Variants in ALOX5 observed in about 807,000 individuals in gnomAD.
ALOX5 encodes arachidonate 5-lipoxygenase.
A neutral mutation model predicts 87.9 loss-of-function variants in ALOX5; 64 were observed. That is an observed-to-expected ratio of 0.73 (90% confidence interval 0.60 to 0.90). The LOEUF (loss-of-function observed/expected upper bound fraction) is 0.90, where lower values mean the gene tolerates loss of function less well. ALOX5 is among the 40% of genes least tolerant of loss of function. The pLI is 0.00. For missense variants in ALOX5, 822 were observed against 907.5 expected (o/e 0.91, Z 1.21); for synonymous variants, 388 against 355.1 (o/e 1.09, Z -1.04).
chr10:45,443,009 C>A lies in ALOX5; in HGVS notation c.1273-29C>A, dbSNP rs182044631. The A allele has an allele frequency of 5.6e-4, 886 of 1,594,222 alleles. 2 individuals carry two copies. In the Middle Eastern group the frequency reaches 8.1e-3, roughly 15 times the overall value. ...CTGGACAGCTGTGGGAGGAGCCACCCGCTCAGGGCACTCTACCTCCCACTC... is the reference window on the plus strand; with the variant it reads ...CTGGACAGCTGTGGGAGGAGCCACCAGCTCAGGGCACTCTACCTCCCACTC... On this transcript the variant is annotated intron_variant, in intron 9 of 13. Coordinates refer to ENST00000374391, the MANE Select transcript of ALOX5 (RefSeq NM_000698.5).
chr10:45,403,291 C>G (rs1029350896), intron 3 of ALOX5, among the ~76,000 whole-genome samples: 8 of 152,298 alleles, frequency 5.3e-5, no homozygotes, highest in African/African-American at 1.9e-4. Context: ...AATCAACAAA[C>G]TGCTGCTAAC....
chr10:45,382,583 A>C lies in ALOX5; in HGVS notation c.251A>C (p.Lys84Thr). The change falls in exon 2 of 14, where the codon AAG (lysine) becomes ACG (threonine). Residue 84 changes from lysine to threonine, a missense_variant. Coordinates refer to ENST00000374391, the MANE Select transcript of ALOX5 (RefSeq NM_000698.5). ...TGGCTGAATGACGACTGGTACCTGA[A>C]GTACATCACGCTGAAGACGCCCCAC... The part of the protein sequence containing the change: ...KYWLNDDWYL[K>T]YITLKTPHGD... 6.2e-7 allele frequency: 1 copy of C among 1,614,168 alleles called. No individual in the cohort carries two copies. Among genetic ancestry groups the C allele is most frequent in the Admixed American group, 1.7e-5 (1 of 60,008 alleles).
At chr10:45,395,250 T>C (rs1189138430) in intron 2 of ALOX5, among the ~76,000 whole-genome samples, 1 of 152,138 alleles carries the variant, frequency 6.6e-6, no homozygotes, top group Non-Finnish European at 1.5e-5. Flanking sequence ...ATGTGGCACA[T>C]ATACACCATG....
At chr10:45,395,047 G>A (rs1476100141) in intron 2 of ALOX5, among the ~76,000 whole-genome samples, 2 of 152,220 alleles carry the variant, frequency 1.3e-5, no homozygotes, top group African/African-American at 4.8e-5. Flanking sequence ...AGACACTGTG[G>A]CAATTCCTCA....
chr10:45,384,235 A>G (rs937048403), intron 2 of ALOX5, among the ~76,000 whole-genome samples: 1 of 152,126 alleles, frequency 6.6e-6, no homozygotes, highest in African/African-American at 2.4e-5. Flanking sequence ...TCCTTCCTCT[A>G]CACATTCCCT....
intron 7 of ALOX5, among the ~76,000 whole-genome samples, chr10:45,430,102 G>A (rs926345851): frequency 6.6e-6 from 1 of 152,164 alleles, no homozygotes; most frequent in Non-Finnish European, 1.5e-5. Context: ...CCTAAAAGAA[G>A]ACAAAATTGC....
chr10:45,374,236 C>A lies in ALOX5; in HGVS notation c.-44C>A. The A allele has an allele frequency of 6.9e-7, 1 of 1,444,766 alleles. No individual in the cohort carries two copies. Among genetic ancestry groups the A allele is most frequent in the Non-Finnish European group, 9.1e-7 (1 of 1,099,212 alleles). The allele number at this position is 1,444,766 out of a possible 1,614,324, so 89.5% of individuals were successfully genotyped here. A position where few individuals can be genotyped will look rare whatever the true frequency, so the allele number is the denominator to read the frequency against. The stretch of plus-strand genomic sequence containing the variant: ...GCGCTAGATGCGGACACCTGGACCG[C>A]CGCGCCGAGGCTCCCGGCGCTCGCT... On this transcript the variant is annotated 5_prime_UTR_variant, in exon 1 of 14. Coordinates refer to ENST00000374391, the MANE Select transcript of ALOX5 (RefSeq NM_000698.5).
intron 4 of ALOX5, among the ~76,000 whole-genome samples, chr10:45,420,718 G>T (rs771857376): frequency 2.0e-5 from 3 of 152,262 alleles, no homozygotes; most frequent in African/African-American, 7.2e-5. Flanking sequence ...CTGGAAGGGG[G>T]CCAGCCCTCC....
intron 3 of ALOX5, among the ~76,000 whole-genome samples, chr10:45,402,379 A>T (rs925512165): frequency 6.6e-6 from 1 of 151,988 alleles, no homozygotes; most frequent in Non-Finnish European, 1.5e-5. Flanking sequence ...GAAACAACAA[A>T]CAGCCACACG....
chr10:45,382,709 G>T, intron 2 of ALOX5, 28 bp downstream of exon 2: 1 of 1,596,648 alleles, frequency 6.3e-7, no homozygotes, highest in Non-Finnish European at 8.5e-7. Context: ...CTTCTGCCCC[G>T]GGCTTCCCAA....
At chr10:45,408,380 G>A (rs925337822) in intron 3 of ALOX5, among the ~76,000 whole-genome samples, 4 of 152,166 alleles carry the variant, frequency 2.6e-5, no homozygotes, top group African/African-American at 9.7e-5. Context: ...ACTTGGGGGA[G>A]GGGAGCTTCC....
intron 7 of ALOX5, among the ~76,000 whole-genome samples, chr10:45,429,877 C>G (rs1285081766): frequency 1.3e-5 from 2 of 152,106 alleles, no homozygotes; most frequent in Non-Finnish European, 1.5e-5. Context: ...GTAGTGGGCT[C>G]TATTGATGTT....
chr10:45,411,772 C>T (rs1467731802), intron 3 of ALOX5, among the ~76,000 whole-genome samples: 5 of 152,258 alleles, frequency 3.3e-5, no homozygotes, highest in African/African-American at 1.2e-4. Context: ...AGGGCACACA[C>T]TGATCAAGTT....
intron 3 of ALOX5, among the ~76,000 whole-genome samples, chr10:45,403,138 A>G (rs1315957107): frequency 6.6e-6 from 1 of 152,242 alleles, no homozygotes; most frequent in African/African-American, 2.4e-5. Context: ...CAGAAATCCT[A>G]TAGTGGGATC....
chr10:45,397,184 C>T (rs1196759058), intron 3 of ALOX5, among the ~76,000 whole-genome samples: 1 of 152,156 alleles, frequency 6.6e-6, no homozygotes, highest in Non-Finnish European at 1.5e-5. Flanking sequence ...AGATTGAGAC[C>T]ATCCTGGCCA....
At chr10:45,438,730 G>A (rs553480399) in intron 7 of ALOX5, among the ~76,000 whole-genome samples, 36 of 152,306 alleles carry the variant, frequency 2.4e-4, no homozygotes, top group African/African-American at 8.2e-4. Context: ...TGAGAACCTG[G>A]GTGCAGAGTT....
intron 2 of ALOX5, among the ~76,000 whole-genome samples, chr10:45,389,137 T>C (rs1315445268): frequency 6.6e-6 from 1 of 152,032 alleles, no homozygotes; most frequent in Non-Finnish European, 1.5e-5. Context: ...AAGATAAGTT[T>C]AGAGAAAAAA....
At chr10:45,427,617 A>C (rs115200794) in intron 6 of ALOX5, among the ~76,000 whole-genome samples, 7,027 of 152,292 alleles carry the variant, frequency 0.046, 479 homozygotes, top group African/African-American at 0.15. Flanking sequence ...CTCCAGGCAG[A>C]GTAGATACTG....
intron 6 of ALOX5, among the ~76,000 whole-genome samples, chr10:45,427,697 C>A (rs1841767404): frequency 6.6e-6 from 1 of 152,160 alleles, no homozygotes; most frequent in Admixed American, 6.5e-5. Context: ...TCAGAAGGAG[C>A]GGCCATGCCC....
Sources: allele counts gnomAD v4.1 joint callset (sites outside exome capture counted in the v4.1 genomes callset), GRCh38; gene constraint gnomAD v4.1.1; transcripts MANE v1.5; gene names NCBI Gene and HGNC (gene_info 2026-07-23, HGNC 2026-07-21).